ISG20: variants seen among roughly 807,000 people sequenced by gnomAD.
The protein encoded by ISG20 is interferon-stimulated gene 20 kDa protein.
In ISG20, 8 loss-of-function variants were observed where a neutral mutation model predicts 11.1. The ratio of observed to expected loss-of-function variants is 0.72; its 90% CI spans 0.42 to 1.30. The LOEUF is 1.30. Ranked by LOEUF, ISG20 falls within the 50% of genes most tolerant of loss-of-function variation. The pLI, the probability that ISG20 is intolerant of heterozygous loss-of-function variation, is 0.01. For missense variants in ISG20, 243 were observed against 250.2 expected (o/e 0.97, Z 0.19); for synonymous variants, 110 against 101.7 (o/e 1.08, Z -0.49).
upstream of ISG20, among the ~76,000 whole-genome samples, chr15:88,636,754 G>A (rs573056709): frequency 1.5e-4 from 23 of 152,208 alleles, no homozygotes; most frequent in Admixed American, 1.0e-3. Flanking sequence ...GGCTGGTCTC[G>A]AATTCCTGGC....
intron 2 of ISG20, among the ~76,000 whole-genome samples, chr15:88,644,698 G>A (rs962573414): frequency 6.6e-6 from 1 of 152,154 alleles, no homozygotes; most frequent in East Asian, 1.9e-4. Flanking sequence ...GCAACATGAA[G>A]AAGAGGTGGG....
At chr15:88,645,068 C>A (rs925353413) in intron 2 of ISG20, among the ~76,000 whole-genome samples, 1 of 152,192 alleles carries the variant, frequency 6.6e-6, no homozygotes, top group Non-Finnish European at 1.5e-5. Flanking sequence ...GCGTGTGACA[C>A]GGAACCCTGC....
At chr15:88,635,954 T>C (rs1444813411), upstream of ISG20, among the ~76,000 whole-genome samples, 1 of 152,148 alleles carries the variant, frequency 6.6e-6, no homozygotes, top group Non-Finnish European at 1.5e-5. Flanking sequence ...AAGCCCATGT[T>C]GTTCAAGGGC....
upstream of ISG20, among the ~76,000 whole-genome samples, chr15:88,637,061 C>T (rs538230756): frequency 1.3e-5 from 2 of 152,230 alleles, no homozygotes; most frequent in East Asian, 3.9e-4. Context: ...AGGGGCTTAC[C>T]TTTGTAGCAC....
At chr15:88,644,577 C>T (rs1465022020) in intron 2 of ISG20, among the ~76,000 whole-genome samples, 1 of 150,872 alleles carries the variant, frequency 6.6e-6, no homozygotes, top group Non-Finnish European at 1.5e-5. Flanking sequence ...GAGTCAGAGG[C>T]CCTAGGGAGC....
At chr15:88,655,286 C>T in intron 3 of ISG20, 129 bp from the exon 4 acceptor site, 3 of 797,972 alleles carry the variant, frequency 3.8e-6, no homozygotes, top group South Asian at 2.9e-5. Context: ...TGTCAGAGAC[C>T]TCAAGAGACT....
At chr15:88,651,859 C>T in intron 2 of ISG20, 2 of 1,353,688 alleles carry the variant, frequency 1.5e-6, no homozygotes, top group Non-Finnish European at 1.9e-6. Context: ...ATGTACTAAC[C>T]ATTGCTCCTA....
rs1411069996 is a variant in ISG20, at chr15:88,639,785, TCA to T, written c.228+194_228+195del. On this transcript the variant is annotated intron_variant, in intron 2 of 3. Coordinates refer to ENST00000306072, the MANE Select transcript of ISG20 (RefSeq NM_002201.6). This position sits in a 1 kb window ranked among gnomAD's most constrained non-coding sequence, Gnocchi z 4.2. ...TTCCTGTCTTCAGAGAACCATAGAC[TCA>T]CATCTGGAAGCCGCCTTTGGGGCAT... is the stretch of plus-strand genomic sequence containing the variant. Among the ~76,000 whole-genome samples, 8 of 152,186 alleles carry T rather than the reference TCA, an allele frequency of 5.3e-5. No homozygotes were observed. Among genetic ancestry groups the T allele is most frequent in the Non-Finnish European group, 1.2e-4 (8 of 68,020 alleles).
chr15:88,636,965 A>G (rs535285248), upstream of ISG20, among the ~76,000 whole-genome samples: 8 of 152,336 alleles, frequency 5.3e-5, no homozygotes, highest in South Asian at 1.7e-3. Context: ...GCCTTGAGAC[A>G]GGAGCATGAC....
chr15:88,654,284 G>A (rs1007114388), intron 3 of ISG20, among the ~76,000 whole-genome samples: 5 of 152,148 alleles, frequency 3.3e-5, no homozygotes, highest in Non-Finnish European at 5.9e-5. Flanking sequence ...CAGCGCAGAC[G>A]ACGCCACCAT....
intron 2 of ISG20, chr15:88,649,958 C>T (rs2058245685): frequency 2.2e-6 from 1 of 458,472 alleles, no homozygotes; most frequent in South Asian, 2.2e-5. Context: ...GGGCAAGTCA[C>T]ATCTCCTCTC....
upstream of ISG20, among the ~76,000 whole-genome samples, chr15:88,636,778 G>A (rs900963516): frequency 6.6e-6 from 1 of 152,164 alleles, no homozygotes; most frequent in East Asian, 1.9e-4. Flanking sequence ...AAGCAAATCC[G>A]CCTCAGCCTG....
At chr15:88,654,533 C>A (rs1431124908) in intron 3 of ISG20, among the ~76,000 whole-genome samples, 2 of 152,118 alleles carry the variant, frequency 1.3e-5, no homozygotes, top group Non-Finnish European at 2.9e-5. Flanking sequence ...CAACAGCCCG[C>A]TGGCTCCCAT....
rs757116446 is a variant in ISG20, at chr15:88,650,731, G to A, written c.229-1379G>A. Reference sequence around the variant, plus strand: ...ATCACTATCTCGGTGGCTTTTCCCCGTGGTCTTTCCAGCATGGTGGCTTTG... The same window carrying A: ...ATCACTATCTCGGTGGCTTTTCCCCATGGTCTTTCCAGCATGGTGGCTTTG... On this transcript the variant is annotated intron_variant, in intron 2 of 3. Coordinates refer to ENST00000306072, the MANE Select transcript of ISG20 (RefSeq NM_002201.6). The surrounding 1 kb of genome is among the most constrained non-coding windows in gnomAD (Gnocchi z 4.0). 2.6e-4 allele frequency: 45 copies of A among 175,074 alleles called. No individual in the cohort carries two copies. Among genetic ancestry groups the A allele is most frequent in the Admixed American group, 9.4e-4 (16 of 17,052 alleles). 10.8% of individuals were successfully genotyped at this position (175,074 alleles called of 1,614,324 possible).
At chr15:88,638,889 G>A (rs2058028755), upstream of ISG20, 1 of 178,938 alleles carries the variant, frequency 5.6e-6, no homozygotes, top group Non-Finnish European at 1.2e-5. Flanking sequence ...CCAGGAGATG[G>A]AGCAGCCCAG....
Position 88,643,287 on chromosome 15 carries a change from C to G in ISG20, c.228+3693C>G, listed in dbSNP as rs1205802840. ...AAAGAGCCATAAAATGTCTCAATAA[C>G]TTTTATATTGATTACCTGTTGAAAT... On this transcript the variant is annotated intron_variant, in intron 2 of 3. Coordinates refer to ENST00000306072, the MANE Select transcript of ISG20 (RefSeq NM_002201.6). This position sits in a 1 kb window ranked among gnomAD's most constrained non-coding sequence, Gnocchi z 4.4. 6.6e-6 allele frequency among the ~76,000 whole-genome samples: 1 copy of G among 152,004 alleles called. No homozygotes were observed. The highest frequency in any genetic ancestry group is 1.5e-5 in the Non-Finnish European group (1 of 67,986).
chr15:88,651,224 G>T (rs2058268357), intron 2 of ISG20: 1 of 985,296 alleles, frequency 1.0e-6, no homozygotes, highest in Non-Finnish European at 1.2e-6. Flanking sequence ...GCCTGGGCAT[G>T]TCACTCCTCT....
At chr15:88,648,829 A>T (rs940917522) in intron 2 of ISG20, 1 of 152,230 alleles carries the variant, frequency 6.6e-6, no homozygotes, top group African/African-American at 2.4e-5. Flanking sequence ...TAAGAGATCA[A>T]TAAATGTCCC....
Position 88,639,080 on chromosome 15 carries a change from A to AGAGCGG in ISG20, c.-25+9_-25+14dup. The AGAGCGG allele has an allele frequency of 1.9e-6, 1 of 527,816 alleles. No homozygotes were observed. Among genetic ancestry groups the AGAGCGG allele is most frequent in the South Asian group, 2.4e-5 (1 of 41,778 alleles). 32.7% of individuals were successfully genotyped at this position (527,816 alleles called of 1,614,324 possible). On this transcript the variant is annotated splice_donor_region_variant and intron_variant, in intron 1 of 3. Coordinates refer to ENST00000306072, the MANE Select transcript of ISG20 (RefSeq NM_002201.6). This position sits in a 1 kb window ranked among gnomAD's most constrained non-coding sequence, Gnocchi z 4.2. ...CTGAGGGCGCAGAGGCAGGCAGGTG[A>AGAGCGG]GAGCGGGAGCTGGAGCAGCAGCTGG... is the stretch of plus-strand genomic sequence containing the variant.
Sources: allele counts gnomAD v4.1 joint callset (sites outside exome capture counted in the v4.1 genomes callset), GRCh38; gene constraint gnomAD v4.1.1; non-coding constraint Gnocchi (gnomAD v3.1); transcripts MANE v1.5; gene names NCBI Gene and HGNC (gene_info 2026-07-23, HGNC 2026-07-21).